GCNT1: variants seen among roughly 807,000 people sequenced by gnomAD.
GCNT1 encodes glucosaminyl (N-acetyl) transferase 1.
In GCNT1, 16 loss-of-function variants were observed where a neutral mutation model predicts 26.2. The observed-to-expected ratio is 0.61, with a 90% CI of 0.41 to 0.93. The LOEUF is 0.93. Ranked by LOEUF, GCNT1 falls within the 40% of genes least tolerant of loss-of-function variation. The pLI, the probability that GCNT1 is intolerant of heterozygous loss-of-function variation, is 0.00. For missense variants in GCNT1, 477 were observed against 526.7 expected, an observed-to-expected ratio of 0.91 and a Z score of 0.92; for synonymous variants, 183 against 190.8, an observed-to-expected ratio of 0.96 and a Z score of 0.34.
chr9:76,394,135 C>A, the GCNT1 span: 1 of 1,609,868 alleles, frequency 6.2e-7, no homozygotes, highest in East Asian at 2.2e-5. Flanking sequence ...AAGCCCCGCA[C>A]CACTTGACCC....
chr9:76,485,772 C>T (rs2131622538), intron 2 of GCNT1, among the ~76,000 whole-genome samples: 1 of 151,684 alleles, frequency 6.6e-6, no homozygotes, highest in South Asian at 2.1e-4. Flanking sequence ...ACTCTGCTGT[C>T]ACCCAGGCTG....
chr9:76,399,172 C>T, the GCNT1 span: 3 of 1,469,044 alleles, frequency 2.0e-6, no homozygotes, highest in Non-Finnish European at 2.8e-6. Context: ...GCTATGTGGA[C>T]ATTGCCATCC....
chr9:76,468,835 T>C (rs1296116259), intron 2 of GCNT1, among the ~76,000 whole-genome samples: 1 of 152,178 alleles, frequency 6.6e-6, no homozygotes, highest in East Asian at 1.9e-4. Flanking sequence ...CAAGGGGCAT[T>C]TGGGAAGTGG....
chr9:76,483,046 T>G (rs1016194582), intron 2 of GCNT1, among the ~76,000 whole-genome samples: 4 of 152,110 alleles, frequency 2.6e-5, no homozygotes, highest in African/African-American at 9.7e-5. Context: ...AAATGATACA[T>G]GTGTCTAATA....
At chr9:76,467,478 C>G (rs1203616365) in intron 2 of GCNT1, among the ~76,000 whole-genome samples, 1 of 151,972 alleles carries the variant, frequency 6.6e-6, no homozygotes, top group Admixed American at 6.6e-5. Flanking sequence ...ACATTAGGAA[C>G]ACCTGTGGAA....
Position 76,443,894 on chromosome 9 carries a change from AAAGAAAGGAAGAAAGG to A in GCNT1, c.-290+1607_-290+1622del, listed in dbSNP as rs1195027651. Among the ~76,000 whole-genome samples the A allele has an allele frequency of 1.8e-3, 223 of 127,380 alleles. 4 individuals are homozygous for A. The highest frequency in any genetic ancestry group is 5.5e-3 in the African/African-American group (171 of 30,920). 83.6% of individuals were successfully genotyped at this position (127,380 alleles called of 152,430 possible). On this transcript the variant is annotated intron_variant, in intron 1 of 2. Transcript: ENST00000442371. Reference sequence around the variant, plus strand: ...AAAAAAAGGAAAGAAAGAAAGAAAGAAAGAAAGGAAGAAAGGAAGAAAGGAAGAAAGGAAGAAAGGA... The same window carrying A: ...AAAAAAAGGAAAGAAAGAAAGAAAGAAAGAAAGGAAGAAAGGAAGAAAGGA...
At chr9:76,476,545 C>A (rs1200395926) in intron 2 of GCNT1, among the ~76,000 whole-genome samples, 1 of 138,066 alleles carries the variant, frequency 7.2e-6, no homozygotes, top group Non-Finnish European at 1.6e-5. Flanking sequence ...TTGAAGATTG[C>A]TATTTAAAAA....
intron 1 of GCNT1, among the ~76,000 whole-genome samples, chr9:76,429,776 G>A (rs1587406683): frequency 6.8e-6 from 1 of 146,580 alleles, no homozygotes; most frequent in South Asian, 2.1e-4. Context: ...GTTCAGTGGC[G>A]CAATCTCGGC....
At chr9:76,424,325 A>G (rs1003125182) in intron 1 of GCNT1, among the ~76,000 whole-genome samples, 37 of 152,132 alleles carry the variant, frequency 2.4e-4, no homozygotes, top group African/African-American at 8.5e-4. Flanking sequence ...GAACTAGGGG[A>G]AAAAAAGTTG....
At chr9:76,501,452 C>T (rs11144929) in intron 3 of GCNT1, among the ~76,000 whole-genome samples, 45,370 of 152,092 alleles carry the variant, frequency 0.3, 8,119 homozygotes, top group East Asian at 0.62. Context: ...TTCTGCAAGA[C>T]TTAGTTATTA....
At chr9:76,439,734 A>G (rs1311993524), upstream of GCNT1, among the ~76,000 whole-genome samples, 1 of 152,186 alleles carries the variant, frequency 6.6e-6, no homozygotes, top group Non-Finnish European at 1.5e-5. Context: ...TGAGGAATAT[A>G]AAATTTATTC....
intron 1 of GCNT1, among the ~76,000 whole-genome samples, chr9:76,428,065 G>C (rs1404777884): frequency 1.3e-5 from 2 of 151,960 alleles, no homozygotes; most frequent in African/African-American, 4.8e-5. Flanking sequence ...AGGAGATCGA[G>C]ACCATCCTGG....
At chr9:76,478,731 TTTTC>T (rs1415073645) in intron 2 of GCNT1, among the ~76,000 whole-genome samples, 5 of 152,348 alleles carry the variant, frequency 3.3e-5, no homozygotes, top group African/African-American at 1.2e-4. Context: ...ATCACGTGCT[TTTTC>T]TTAACCATTA....
chr9:76,502,179 G>GTATA (rs59104914), intron 3 of GCNT1, 60 bp from the exon 4 acceptor site: 63 of 154,762 alleles, frequency 4.1e-4, no homozygotes, highest in South Asian at 1.9e-3. Flanking sequence ...CTCTCTCTCT[G>GTATA]TATATATATA....
At chr9:76,486,874 G>A (rs982006067) in intron 2 of GCNT1, among the ~76,000 whole-genome samples, 1 of 152,082 alleles carries the variant, frequency 6.6e-6, no homozygotes, top group Non-Finnish European at 1.5e-5. Flanking sequence ...TCAGGAGTTC[G>A]AGACCAGCCT....
At chr9:76,450,268 G>A (rs984436129) in intron 1 of GCNT1, among the ~76,000 whole-genome samples, 8 of 151,952 alleles carry the variant, frequency 5.3e-5, no homozygotes, top group South Asian at 2.1e-4. Context: ...TGTTTATAAC[G>A]TACATCTGAT....
rs774415984 is a variant in GCNT1, at chr9:76,453,953, T to C, written c.-290+11638T>C. Among the ~76,000 whole-genome samples, 66 of 152,184 alleles carry C rather than the reference T, an allele frequency of 4.3e-4. 1 individual carries two copies. The highest frequency in any genetic ancestry group is 8.3e-4 in the South Asian group (4 of 4,820). On this transcript the variant is annotated intron_variant, in intron 1 of 2. Coordinates refer to the GCNT1 transcript ENST00000442371. The stretch of plus-strand genomic sequence containing the variant: ...ACTTTATTTAGAAGGATTATTGCAA[T>C]AGAAAAAGAGAATGTCGCAATAGGG...
upstream of GCNT1, among the ~76,000 whole-genome samples, chr9:76,454,386 G>GAA (rs71372084): frequency 0.027 from 1,061 of 39,614 alleles, 121 homozygotes; most frequent in East Asian, 0.077. Context: ...TCTCAGAAAA[G>GAA]AAAAAAAAAA....
At chr9:76,437,788 G>A (rs1400985394), upstream of GCNT1, among the ~76,000 whole-genome samples, 1 of 152,178 alleles carries the variant, frequency 6.6e-6, no homozygotes, top group Non-Finnish European at 1.5e-5. Flanking sequence ...TATTTATTAG[G>A]TTTGTGGAAT....
Sources: gnomAD v4.1 joint callset for allele counts (sites outside exome capture counted in the v4.1 genomes callset) on GRCh38, gnomAD v4.1.1 for gene constraint, MANE v1.5 for transcripts, NCBI Gene and HGNC (gene_info 2026-07-23, HGNC 2026-07-21) for gene names.